OAF: variants seen among roughly 807,000 people sequenced by gnomAD.
OAF encodes out at first protein homolog.
OAF carries 13 observed loss-of-function variants against 22.5 expected under a neutral mutation model. The ratio of observed to expected loss-of-function variants is 0.58; its 90% confidence interval spans 0.38 to 0.92. The LOEUF (loss-of-function observed/expected upper bound fraction) is 0.92. OAF is among the 40% of genes least tolerant of loss of function. OAF has a pLI of 0.00. For synonymous variants in OAF, 175 were observed against 170.5 expected, an observed-to-expected ratio of 1.03 and a Z score of -0.21; for missense variants, 347 against 381.8, an observed-to-expected ratio of 0.91 and a Z score of 0.76.
chr11:120,212,161 C>G lies in OAF; in HGVS notation c.231+651C>G, dbSNP rs558695695. Among the ~76,000 whole-genome samples, 4 of 147,920 alleles carry G rather than the reference C, an allele frequency of 2.7e-5. No homozygotes were observed. The East Asian group carries it at 8.1e-4, about 30-fold the overall frequency. ...AGGCCCCCTCCCTCTGGGAGAAGTGCTGCCCTTCACTCTGCCTGGCAGAGA... is the reference window on the plus strand; with the variant it reads ...AGGCCCCCTCCCTCTGGGAGAAGTGGTGCCCTTCACTCTGCCTGGCAGAGA... On this transcript the variant is annotated intron_variant, in intron 1 of 3. Coordinates refer to ENST00000328965, the MANE Select transcript of OAF (RefSeq NM_178507.4).
chr11:120,229,095 C>A lies in OAF; in HGVS notation c.775C>A (p.Pro259Thr), dbSNP rs749212923. The A allele has an allele frequency of 6.2e-7, 1 of 1,613,596 alleles. No homozygotes were observed. Among genetic ancestry groups the A allele is most frequent in the Admixed American group, 1.7e-5 (1 of 60,026 alleles). ...GAGCTACAGCTTCGACTTCTACGTG[C>A]CCCAGAGGCAGCTGTGTCTCTGGGA... ...QKSYSFDFYV[P>T]QRQLCLWDED... is the part of the protein sequence containing the mutation. The change falls in exon 4 of 4, where the codon CCC becomes ACC. Residue 259 changes from proline to threonine, a missense_variant. Physicochemically the swap from Pro to Thr is conservative, Grantham distance 38. Coordinates refer to ENST00000328965, the MANE Select transcript of OAF (RefSeq NM_178507.4).
At chr11:120,220,622 G>A (rs1285763100) in intron 1 of OAF, among the ~76,000 whole-genome samples, 3 of 152,222 alleles carry the variant, frequency 2.0e-5, no homozygotes, top group Non-Finnish European at 4.4e-5. Context: ...AAGGGCTGGT[G>A]AGGGCAGCAC....
intron 1 of OAF, among the ~76,000 whole-genome samples, chr11:120,223,983 G>A (rs1350355161): frequency 6.6e-6 from 1 of 152,222 alleles, no homozygotes; most frequent in Non-Finnish European, 1.5e-5. Context: ...GCCGACCTGA[G>A]TGAGGGGAAG....
At chr11:120,219,222 G>A (rs2135092754) in intron 1 of OAF, among the ~76,000 whole-genome samples, 1 of 152,210 alleles carries the variant, frequency 6.6e-6, no homozygotes, top group East Asian at 1.9e-4. Flanking sequence ...ATGCACCCCT[G>A]TGGAGGGAAT....
chr11:120,229,918 T>G lies in OAF; in HGVS notation c.*776T>G. 6.6e-6 allele frequency: 1 copy of G among 152,556 alleles called. No individual in the cohort carries two copies. 9.5% of individuals were successfully genotyped at this position (152,556 alleles called of 1,614,324 possible). A position where few individuals can be genotyped will look rare whatever the true frequency, so the allele number is the denominator to read the frequency against. ...AAGTATTTATCATTTCTACCAGAAA[T>G]AAACGTTTTAAGTTTTTACTTGACT... is the stretch of plus-strand genomic sequence containing the variant. On this transcript the variant is annotated 3_prime_UTR_variant, in exon 4 of 4. Coordinates refer to ENST00000328965, the MANE Select transcript of OAF (RefSeq NM_178507.4).
chr11:120,223,990 G>A (rs1450833944), intron 1 of OAF, among the ~76,000 whole-genome samples: 2 of 152,222 alleles, frequency 1.3e-5, no homozygotes, highest in Non-Finnish European at 2.9e-5. Context: ...TGAGTGAGGG[G>A]AAGATCAGAT....
At position 120,226,138 on chromosome 11, in the gene OAF, C is replaced by T. The variant is rs372676203; in HGVS notation, c.366+343C>T. Among the ~76,000 whole-genome samples the T allele has an allele frequency of 2.4e-3, 365 of 152,330 alleles. 3 individuals carry two copies. The highest frequency in any genetic ancestry group is 8.5e-3 in the African/African-American group (353 of 41,580). ...CTCCCATCTGGTTCCAGCACCTCCC[C>T]GTGTGTGACAGGCTAGGGGCTTGGG... On this transcript the variant is annotated intron_variant, in intron 2 of 3. Coordinates refer to ENST00000328965, the MANE Select transcript of OAF (RefSeq NM_178507.4).
At chr11:120,225,896 C>T in intron 2 of OAF, 101 bp downstream of exon 2, 1 of 1,007,576 alleles carries the variant, frequency 9.9e-7, no homozygotes, top group South Asian at 1.5e-5. Flanking sequence ...ACCTGCAGAC[C>T]CGACCCCTGC....
chr11:120,223,089 G>T (rs984853408), intron 1 of OAF, among the ~76,000 whole-genome samples: 1 of 152,212 alleles, frequency 6.6e-6, no homozygotes, highest in Admixed American at 6.5e-5. Flanking sequence ...GCAGGCTGCC[G>T]CCAGATGGGC....
chr11:120,215,972 G>A (rs11217768), intron 1 of OAF, among the ~76,000 whole-genome samples: 11,918 of 152,228 alleles, frequency 0.078, 1,344 homozygotes, highest in East Asian at 0.57. Flanking sequence ...AAGTGTGGAA[G>A]GAGGGGATCC....
intron 1 of OAF, among the ~76,000 whole-genome samples, chr11:120,220,149 G>T (rs979330459): frequency 6.6e-6 from 1 of 152,102 alleles, no homozygotes; most frequent in East Asian, 1.9e-4. Flanking sequence ...GAGATCCAAG[G>T]CACTCTCACA....
chr11:120,227,516 T>C (rs1389929711), intron 3 of OAF, among the ~76,000 whole-genome samples: 1 of 152,110 alleles, frequency 6.6e-6, no homozygotes, highest in Non-Finnish European at 1.5e-5. Context: ...AAGGACACCC[T>C]GCCCCCCTCC....
intron 1 of OAF, among the ~76,000 whole-genome samples, chr11:120,218,064 A>G (rs1016621856): frequency 6.6e-6 from 1 of 152,174 alleles, no homozygotes; most frequent in African/African-American, 2.4e-5. Flanking sequence ...GTTGATCCAC[A>G]TAAAGCCTCA....
chr11:120,219,048 A>G (rs1283136289), intron 1 of OAF, among the ~76,000 whole-genome samples: 1 of 148,566 alleles, frequency 6.7e-6, no homozygotes, highest in African/African-American at 2.5e-5. Context: ...TGTGAGGAGA[A>G]TCGAGCAAGT....
chr11:120,218,646 G>C (rs900349526), intron 1 of OAF, among the ~76,000 whole-genome samples: 6 of 152,220 alleles, frequency 3.9e-5, no homozygotes, highest in African/African-American at 1.2e-4. Flanking sequence ...CCAGGAGCAA[G>C]AGGGTTGGAA....
chr11:120,224,339 C>T (rs1335443658), intron 1 of OAF, among the ~76,000 whole-genome samples: 2 of 152,238 alleles, frequency 1.3e-5, no homozygotes, highest in Non-Finnish European at 2.9e-5. Context: ...TGGTCACCTA[C>T]AAGAGTAATC....
At chr11:120,213,471 C>T (rs1441979875) in intron 1 of OAF, among the ~76,000 whole-genome samples, 1 of 152,184 alleles carries the variant, frequency 6.6e-6, no homozygotes, top group African/African-American at 2.4e-5. Context: ...TCTGGCATCT[C>T]CAATTTCATC....
At chr11:120,217,262 G>T (rs1209327622) in intron 1 of OAF, 2 of 152,240 alleles carry the variant, frequency 1.3e-5, no homozygotes, top group Non-Finnish European at 2.9e-5. Context: ...TGGGGAGCTG[G>T]GTGAGGGGGA....
At position 120,225,087 on chromosome 11, in the gene OAF, G is replaced by A. The variant is rs529768537; in HGVS notation, c.232-574G>A. On this transcript the variant is annotated intron_variant, in intron 1 of 3. Coordinates refer to ENST00000328965, the MANE Select transcript of OAF (RefSeq NM_178507.4). ...CGAGGCATCCTAGCTCCCTCAGGCC[G>A]GAAGGCTGCAACAGCTGCAGCCAGC... Among the ~76,000 whole-genome samples the A allele has an allele frequency of 3.3e-5, 5 of 152,248 alleles. No homozygotes were observed. In the East Asian group the frequency reaches 5.8e-4, roughly 18 times the overall value.
Sources: gnomAD v4.1 joint callset for allele counts (sites outside exome capture counted in the v4.1 genomes callset) on GRCh38, gnomAD v4.1.1 for gene constraint, MANE v1.5 for transcripts, NCBI Gene and HGNC (gene_info 2026-07-23, HGNC 2026-07-21) for gene names.